ICE1: variants seen among roughly 807,000 people sequenced by gnomAD.
ICE1 encodes little elongation complex subunit 1.
A neutral mutation model predicts 192.7 loss-of-function variants in ICE1; 64 were observed. The observed-to-expected ratio is 0.33, with a 90% CI of 0.27 to 0.41. The LOEUF is 0.41. Ranked by LOEUF, ICE1 falls within the 10% of genes least tolerant of loss-of-function variation. The pLI is 1.00. For synonymous variants in ICE1, 1,010 were observed against 984.5 expected, an observed-to-expected ratio of 1.03 and a Z score of -0.49; for missense variants, 2,708 against 2,696.0, an observed-to-expected ratio of 1.00 and a Z score of -0.10.
intron 1 of ICE1, among the ~76,000 whole-genome samples, chr5:5,426,856 G>C (rs974907845): frequency 4.6e-4 from 70 of 152,222 alleles, no homozygotes; most frequent in Non-Finnish European, 5.9e-5. Context: ...ACTTTCGTGT[G>C]AGAGAGAAAC....
Position 5,460,881 on chromosome 5 carries a change from G to A in ICE1, c.1547G>A (p.Ser516Asn). The change falls in exon 13 of 19, where the codon AGC (serine) becomes AAC (asparagine). Residue 516 changes from serine to asparagine, a missense_variant. By Grantham distance (46) the Ser-to-Asn change is conservative. Coordinates refer to ENST00000296564, the MANE Select transcript of ICE1 (RefSeq NM_015325.3). The stretch of plus-strand genomic sequence containing the variant: ...CTATGCATTGAGAGATTGTCTGCCA[G>A]CCCTGCACAAGAGAAGGAAGCTGCC... ...RGLCIERLSA[S>N]PAQEKEAAPG... The A allele has an allele frequency of 6.2e-7, 1 of 1,614,046 alleles. No individual in the cohort carries two copies. Among genetic ancestry groups the A allele is most frequent in the African/African-American group, 1.3e-5 (1 of 75,056 alleles).
intron 1 of ICE1, 53 bp downstream of exon 1, chr5:5,423,052 C>G: frequency 7.9e-7 from 1 of 1,259,476 alleles, no homozygotes; most frequent in Middle Eastern, 3.0e-4. Context: ...CTCGGCCGGC[C>G]GGGAGCGCAG....
chr5:5,422,915 C>G lies in ICE1; in HGVS notation c.-1C>G. The G allele has an allele frequency of 1.4e-6, 2 of 1,405,586 alleles. No individual in the cohort carries two copies. Among genetic ancestry groups the G allele is most frequent in the Non-Finnish European group, 1.9e-6 (2 of 1,079,126 alleles). 87.1% of individuals were successfully genotyped at this position (1,405,586 alleles called of 1,614,324 possible). On this transcript the variant is annotated 5_prime_UTR_variant, in exon 1 of 19. Transcript: ENST00000296564. ...TGCCCACCGGGCCCGGCGGCGGCAC[C>G]ATGATGCCGGGCGAGACCCATTCGG...
Position 5,457,545 on chromosome 5 carries a change from G to C in ICE1, c.905G>C (p.Gly302Ala). The C allele has an allele frequency of 6.2e-7, 1 of 1,613,986 alleles. No homozygotes were observed. Among genetic ancestry groups the C allele is most frequent in the Non-Finnish European group, 8.5e-7 (1 of 1,179,878 alleles). The change falls in exon 12 of 19, where the codon GGA becomes GCA. Residue 302 changes from glycine (G) to alanine (A), a missense_variant. Around this residue, in one of 2 missense-constraint regions of ICE1, gnomAD observed 2,366 missense variants for 2,276.6 expected, o/e 1.04. Coordinates refer to ENST00000296564, the MANE Select transcript of ICE1 (RefSeq NM_015325.3). ...TCTGACCATGTTTTTAATGAGAATG[G>C]AAATCTTGAGGTTTTAGTACAAAGT... ...CSSDHVFNEN[G>A]NLEVLVQSHR...
At position 5,462,350 on chromosome 5, in the gene ICE1, A is replaced by C; in HGVS notation, c.3016A>C (p.Thr1006Pro). ...ACATGGCAGTGAGATGCTTCCAGCC[A>C]CAGAAGTGACTGTGTCAGGAGGGTT... The part of the protein sequence containing the change: ...GTHGSEMLPA[T>P]EVTVSGGFSV... The change falls in exon 13 of 19, where the codon ACA becomes CCA. Residue 1006 changes from threonine (T) to proline (P), a missense_variant. This residue lies in a region of ICE1 where 2,366 missense variants were observed against 2,276.6 expected (regional missense o/e 1.04). Transcript: ENST00000296564. The C allele has an allele frequency of 6.2e-7, 1 of 1,614,064 alleles. No homozygotes were observed.
Position 5,468,952 on chromosome 5 carries a change from T to C in ICE1, c.6186T>C (p.Val2062=). 2 of 1,569,210 alleles carry C rather than the reference T, an allele frequency of 1.3e-6. No homozygotes were observed. Among genetic ancestry groups the C allele is most frequent in the Non-Finnish European group, 1.7e-6 (2 of 1,160,822 alleles). Residue 2062 remains valine (V), a synonymous_variant, in exon 15 of 19, where the codon GTT becomes GTC. Transcript: ENST00000296564. ...CCAGGCAACGTGCTAAAGGAGAGGT[T>C]CTGAACTGCTTGAGAGCTTTTCTTA... ...LVARQRAKGE[V]LNCLRAFLNW...
At chr5:5,449,616 T>G (rs1479271194) in intron 10 of ICE1, among the ~76,000 whole-genome samples, 1 of 152,170 alleles carries the variant, frequency 6.6e-6, no homozygotes, top group African/African-American at 2.4e-5. Flanking sequence ...AAGTTTTCAT[T>G]GCAGAAGCTG....
chr5:5,429,357 C>T (rs892777664), intron 1 of ICE1, among the ~76,000 whole-genome samples: 4 of 152,152 alleles, frequency 2.6e-5, no homozygotes, highest in Non-Finnish European at 5.9e-5. Flanking sequence ...AATCCGAGTC[C>T]TCAGGTGACA....
Position 5,446,535 on chromosome 5 carries a change from C to T in ICE1, c.425-892C>T, listed in dbSNP as rs541136112. 2.6e-5 allele frequency among the ~76,000 whole-genome samples: 4 copies of T among 152,274 alleles called. No homozygotes were observed. In the East Asian group the frequency reaches 7.7e-4, roughly 29 times the overall value. On this transcript the variant is annotated intron_variant, in intron 7 of 18. Transcript: ENST00000296564. The stretch of plus-strand genomic sequence containing the variant: ...TGAACTCCTGGGCTCAAGAAACCTG[C>T]TCATCCTCCCAAAGTGCTGGGATCA...
intron 4 of ICE1, 149 bp downstream of exon 4, chr5:5,440,062 T>G (rs149716225): frequency 1.9e-4 from 87 of 469,242 alleles, no homozygotes; most frequent in African/African-American, 1.5e-3. Context: ...ATGCTCATAA[T>G]AAAATAGGAC....
chr5:5,454,186 C>T (rs1738517868), intron 10 of ICE1, among the ~76,000 whole-genome samples: 2 of 152,174 alleles, frequency 1.3e-5, no homozygotes, highest in African/African-American at 4.8e-5. Flanking sequence ...GTGCTTCCTT[C>T]CCCCATCTCA....
At chr5:5,455,354 T>C (rs908872738) in intron 11 of ICE1, among the ~76,000 whole-genome samples, 6 of 152,306 alleles carry the variant, frequency 3.9e-5, no homozygotes, top group Middle Eastern at 3.4e-3. Context: ...TTTAAGTAGA[T>C]GTTTCCCTCA....
At chr5:5,443,031 A>G in intron 5 of ICE1, 137 bp from the exon 6 acceptor site, 2 of 548,814 alleles carry the variant, frequency 3.6e-6, no homozygotes, top group South Asian at 4.8e-5. Flanking sequence ...GGTTACCTCT[A>G]TTAAAATATT....
At chr5:5,468,671 C>T (rs1739064281) in intron 14 of ICE1, among the ~76,000 whole-genome samples, 157 bp from the exon 15 acceptor site, 2 of 152,222 alleles carry the variant, frequency 1.3e-5, no homozygotes, top group African/African-American at 4.8e-5. Context: ...TTGGAAATGA[C>T]TGTGACTGGA....
At chr5:5,480,035 ATGTATACCTATGTAACAAACC>A (rs1196761682) in intron 17 of ICE1, among the ~76,000 whole-genome samples, 2 of 152,084 alleles carry the variant, frequency 1.3e-5, no homozygotes, top group Non-Finnish European at 2.9e-5. Flanking sequence ...ATCATGGCAC[ATGTATACCTATGTAACAAACC>A]TGTACGTTCT....
intron 1 of ICE1, among the ~76,000 whole-genome samples, chr5:5,426,598 A>G (rs1737527507): frequency 6.6e-6 from 1 of 152,180 alleles, no homozygotes; most frequent in East Asian, 1.9e-4. Flanking sequence ...CGGAAAACCA[A>G]CTAGCTGATG....
At chr5:5,450,480 G>A (rs187324195) in intron 10 of ICE1, among the ~76,000 whole-genome samples, 2 of 152,268 alleles carry the variant, frequency 1.3e-5, no homozygotes, top group Non-Finnish European at 2.9e-5. Flanking sequence ...TCTCAGAGGG[G>A]AGAACAGAAA....
intron 1 of ICE1, among the ~76,000 whole-genome samples, chr5:5,429,081 A>G (rs1737617030): frequency 6.6e-6 from 1 of 152,164 alleles, no homozygotes; most frequent in East Asian, 1.9e-4. Flanking sequence ...AGCTTCTGAG[A>G]GTGTTTCCCA....
Position 5,457,522 on chromosome 5 carries a change from T to C in ICE1, c.882T>C (p.Ser294=). The C allele has an allele frequency of 6.2e-7, 1 of 1,614,014 alleles. No homozygotes were observed. ...KQSSSGTNCS[S]DHVFNENGNL... ...GCTCCAGTGGAACAAATTGTAGTTC[T>C]GACCATGTTTTTAATGAGAATGGAA... is the stretch of plus-strand genomic sequence containing the variant. Residue 294 remains serine (S), a synonymous_variant, in exon 12 of 19, where the codon TCT becomes TCC. Transcript: ENST00000296564.
Sources: gnomAD v4.1 joint callset for allele counts (sites outside exome capture counted in the v4.1 genomes callset) on GRCh38, gnomAD v4.1.1 for gene constraint, gnomAD v4.1.1 regional missense constraint, MANE v1.5 for transcripts, NCBI Gene and HGNC (gene_info 2026-07-23, HGNC 2026-07-21) for gene names.